The following TANGO6 variants were observed in gnomAD, a reference collection of about 807,000 sequenced individuals.
The protein encoded by TANGO6 is transport and Golgi organization protein 6 homolog.
A neutral mutation model predicts 114.2 loss-of-function variants in TANGO6; 90 were observed. The observed-to-expected ratio is 0.79, with a 90% CI of 0.66 to 0.94. The LOEUF is 0.94. Among genes scored for constraint, TANGO6 ranks in the 40% least tolerant of loss-of-function variants. The probability of loss-of-function intolerance (pLI) is 0.00; values close to 1 mark genes in which losing one functional copy is unlikely to be tolerated. For synonymous variants in TANGO6, 477 were observed against 509.8 expected, an observed-to-expected ratio of 0.94 and a Z score of 0.87; for missense variants, 1,274 against 1,315.3, an observed-to-expected ratio of 0.97 and a Z score of 0.49.
intron 14 of TANGO6, chr16:68,973,816 G>A: frequency 3.4e-6 from 2 of 580,944 alleles, no homozygotes; most frequent in Non-Finnish European, 6.1e-6. Flanking sequence ...ATCGTATCAG[G>A]CTGGGACTAG....
rs1365188649 is a variant in TANGO6 at position 68,843,661 on chromosome 16, G to A, written c.44G>A (p.Cys15Tyr). The A allele has an allele frequency of 6.2e-7, 1 of 1,613,662 alleles. No individual in the cohort carries two copies. Among genetic ancestry groups the A allele is most frequent in the East Asian group, 2.2e-5 (1 of 44,870 alleles). The change falls in exon 1 of 18, where the codon TGC (cysteine) becomes TAC (tyrosine). Residue 15 changes from cysteine to tyrosine, a missense_variant. Coordinates refer to ENST00000261778, the MANE Select transcript of TANGO6 (RefSeq NM_024562.2). ...QAVGSGAQET[C>Y]GLDRILEALK... Reference sequence around the variant, plus strand: ...GTGGGCAGCGGGGCTCAGGAGACATGCGGTCTGGATCGGATTTTGGAGGCA... The same window carrying A: ...GTGGGCAGCGGGGCTCAGGAGACATACGGTCTGGATCGGATTTTGGAGGCA...
intron 17 of TANGO6, among the ~76,000 whole-genome samples, chr16:69,048,409 A>AT (rs991476645): frequency 1.3e-5 from 2 of 150,624 alleles, no homozygotes; most frequent in African/African-American, 4.9e-5. Context: ...GCCAGGATTA[A>AT]TTTTTTTTTA....
intron 3 of TANGO6, among the ~76,000 whole-genome samples, chr16:68,864,147 C>G (rs940826946): frequency 6.6e-6 from 1 of 150,950 alleles, no homozygotes; most frequent in Non-Finnish European, 1.5e-5. Flanking sequence ...GCACTCCAGC[C>G]TGGGCAACAA....
chr16:68,899,504 ACTT>A (rs1962755180), intron 7 of TANGO6, among the ~76,000 whole-genome samples: 1 of 147,996 alleles, frequency 6.8e-6, no homozygotes, highest in East Asian at 2.0e-4. Flanking sequence ...ATCCTCACAC[ACTT>A]TTTTTTTTTT....
intron 14 of TANGO6, among the ~76,000 whole-genome samples, chr16:68,949,755 A>G (rs530018214): frequency 6.6e-6 from 1 of 152,290 alleles, no homozygotes; most frequent in South Asian, 2.1e-4. Context: ...AAACATGGTT[A>G]TCATGTGACC....
chr16:68,863,559 G>A lies in TANGO6; in HGVS notation c.852+498G>A, dbSNP rs752400708. Among the ~76,000 whole-genome samples, 5 of 152,184 alleles carry A rather than the reference G, an allele frequency of 3.3e-5. 1 individual carries two copies. Among genetic ancestry groups the A allele is most frequent in the Admixed American group, 2.0e-4 (3 of 15,288 alleles). On this transcript the variant is annotated intron_variant, in intron 3 of 17. Transcript: ENST00000261778. ...TGGGAGGCGGAGGTTGCAGTGAGCC[G>A]AGATCATGCCATTGCACTCCAGTCT...
At chr16:69,063,891 C>T (rs747062907) in intron 17 of TANGO6, among the ~76,000 whole-genome samples, 23 of 150,938 alleles carry the variant, frequency 1.5e-4, no homozygotes, top group African/African-American at 5.4e-4. Context: ...GACTGGAGTG[C>T]AATGGCACGA....
chr16:69,066,913 G>A (rs1201067761), intron 17 of TANGO6, among the ~76,000 whole-genome samples: 3 of 152,104 alleles, frequency 2.0e-5, no homozygotes, highest in Non-Finnish European at 4.4e-5. Flanking sequence ...TTGTTTTTGA[G>A]ATAGGGTCTT....
chr16:68,916,608 C>T lies in TANGO6; in HGVS notation c.1993-2477C>T, dbSNP rs190288255. Among the ~76,000 whole-genome samples the T allele has an allele frequency of 3.1e-3, 467 of 152,106 alleles. 1 individual carries two copies. Among genetic ancestry groups the T allele is most frequent in the Non-Finnish European group, 5.2e-3 (353 of 67,992 alleles). On this transcript the variant is annotated intron_variant, in intron 11 of 17. Coordinates refer to ENST00000261778, the MANE Select transcript of TANGO6 (RefSeq NM_024562.2). ...CTAGATGAAACTGAACACTACCCCT[C>T]CATTCTTTACTTACTAGAATTAGAC... is the stretch of plus-strand genomic sequence containing the variant.
At chr16:69,069,595 T>C (rs6499214) in intron 17 of TANGO6, among the ~76,000 whole-genome samples, 149,247 of 152,302 alleles carry the variant, frequency 0.98, 73,136 homozygotes, top group East Asian at 1. Context: ...CTCTTTCCCC[T>C]GTCTTCACCT....
chr16:68,871,410 T>G (rs1475947432), intron 4 of TANGO6, among the ~76,000 whole-genome samples: 2 of 152,124 alleles, frequency 1.3e-5, no homozygotes, highest in South Asian at 2.1e-4. Flanking sequence ...TTTTTTCTGC[T>G]TTTTGGAGCT....
intron 9 of TANGO6, among the ~76,000 whole-genome samples, 192 bp from the exon 10 acceptor site, chr16:68,907,251 A>G (rs891570350): frequency 3.9e-5 from 6 of 152,000 alleles, no homozygotes; most frequent in Admixed American, 3.9e-4. Context: ...CTGGCCCATA[A>G]CAGCCTAGTT....
intron 7 of TANGO6, chr16:68,900,098 A>G: frequency 4.3e-6 from 1 of 231,950 alleles, no homozygotes; most frequent in South Asian, 1.6e-4. Flanking sequence ...TAGGACAGTT[A>G]TCATATGGTT....
chr16:68,942,264 T>C lies in TANGO6; in HGVS notation c.2701+11969T>C, dbSNP rs369543007. Among the ~76,000 whole-genome samples, 153 of 151,544 alleles carry C rather than the reference T, an allele frequency of 1.0e-3. 1 individual carries two copies. The highest frequency in any genetic ancestry group is 3.6e-3 in the African/African-American group (147 of 41,346). The stretch of plus-strand genomic sequence containing the variant: ...TTGAACCCGGGAGGCAGAGGTTGCA[T>C]TGAGCCGAGATCATGCCACTGCACT... On this transcript the variant is annotated intron_variant, in intron 14 of 17. Transcript: ENST00000261778.
At chr16:68,844,296 G>T (rs1457769806) in intron 1 of TANGO6, among the ~76,000 whole-genome samples, 1 of 152,052 alleles carries the variant, frequency 6.6e-6, no homozygotes, top group Non-Finnish European at 1.5e-5. Context: ...CTCCTTTTGC[G>T]ACTGAGGACA....
intron 17 of TANGO6, among the ~76,000 whole-genome samples, chr16:69,058,815 G>A (rs912254568): frequency 1.2e-4 from 18 of 151,452 alleles, no homozygotes; most frequent in Non-Finnish European, 2.2e-4. Context: ...ACAGGCGCCC[G>A]CCACCACACC....
chr16:68,996,069 A>G (rs542181911), intron 15 of TANGO6, among the ~76,000 whole-genome samples: 83 of 152,336 alleles, frequency 5.4e-4, no homozygotes, highest in East Asian at 1.7e-3. Context: ...CGTACATTAT[A>G]TTGACTAAGA....
At chr16:68,993,353 A>T (rs1382191333) in intron 15 of TANGO6, among the ~76,000 whole-genome samples, 1 of 152,216 alleles carries the variant, frequency 6.6e-6, no homozygotes, top group Non-Finnish European at 1.5e-5. Context: ...TAAAGCATTC[A>T]TTTGGATTCT....
intron 1 of TANGO6, chr16:68,846,461 C>A (rs79221343): frequency 0.1 from 30,854 of 300,670 alleles, 1,813 homozygotes; most frequent in Non-Finnish European, 0.12. Context: ...AGTTCAATCA[C>A]CTTTTCAAAT....
Sources: gnomAD v4.1 joint callset for allele counts (sites outside exome capture counted in the v4.1 genomes callset) on GRCh38, gnomAD v4.1.1 for gene constraint, MANE v1.5 for transcripts, NCBI Gene and HGNC (gene_info 2026-07-23, HGNC 2026-07-21) for gene names.